The following OSBPL10 variants were observed in gnomAD, a reference collection of about 807,000 sequenced individuals.
The protein encoded by OSBPL10 is oxysterol-binding protein-related protein 10.
Under a neutral mutation model 81.7 loss-of-function variants are expected in OSBPL10, and 49 were observed. The observed-to-expected ratio is 0.60, with a 90% CI of 0.48 to 0.76. The LOEUF (loss-of-function observed/expected upper bound fraction) is 0.76, where lower values mean the gene tolerates loss of function less well. Ranked by LOEUF, OSBPL10 falls within the 30% of genes least tolerant of loss-of-function variation. The probability of loss-of-function intolerance (pLI) is 0.00; values close to 1 mark genes in which losing one functional copy is unlikely to be tolerated. For synonymous variants in OSBPL10, 419 were observed against 383.6 expected (o/e 1.09, Z -1.08); for missense variants, 923 against 987.8 (o/e 0.93, Z 0.88).
At chr3:31,957,537 A>G (rs1698042146) in intron 1 of OSBPL10, among the ~76,000 whole-genome samples, 1 of 152,222 alleles carries the variant, frequency 6.6e-6, no homozygotes, top group Non-Finnish European at 1.5e-5. Context: ...AAATATTTTG[A>G]GCAATGGCAG....
chr3:31,801,336 C>T (rs569446820), intron 4 of OSBPL10, among the ~76,000 whole-genome samples: 58 of 152,228 alleles, frequency 3.8e-4, no homozygotes, highest in African/African-American at 1.2e-3. Flanking sequence ...ACCACACATG[C>T]AGAGGAAGGA....
At chr3:31,855,598 T>C (rs546281316) in intron 3 of OSBPL10, among the ~76,000 whole-genome samples, 96 of 152,316 alleles carry the variant, frequency 6.3e-4, no homozygotes, top group African/African-American at 2.3e-3. Flanking sequence ...TACTATATCC[T>C]AGTGCCTAGA....
intron 2 of OSBPL10, among the ~76,000 whole-genome samples, chr3:31,993,183 T>C (rs1177097525): frequency 5.4e-5 from 8 of 147,640 alleles, no homozygotes; most frequent in African/African-American, 1.7e-4. Context: ...TTTTATTTTA[T>C]TTTATTTTAT....
intron 6 of OSBPL10, among the ~76,000 whole-genome samples, chr3:31,728,149 T>C (rs1024522134): frequency 1.3e-5 from 2 of 152,268 alleles, no homozygotes; most frequent in Non-Finnish European, 2.9e-5. Flanking sequence ...TATGCTGATA[T>C]AGTACTCAGT....
chr3:31,799,910 A>G (rs1301956808), intron 4 of OSBPL10, among the ~76,000 whole-genome samples: 1 of 152,144 alleles, frequency 6.6e-6, no homozygotes, highest in Non-Finnish European at 1.5e-5. Flanking sequence ...TATTTCACCA[A>G]TATTGGCCAG....
At chr3:31,664,270 C>T (rs200765310) in intron 10 of OSBPL10, 38 bp from the exon 11 acceptor site, 42 of 1,597,280 alleles carry the variant, frequency 2.6e-5, no homozygotes, top group African/African-American at 6.7e-5. Context: ...ATCAGCCAGG[C>T]CAGCTGGCTG....
chr3:31,812,723 AAAGAAAGAAAGAAAGAAAG>A (rs1699718200), intron 4 of OSBPL10, among the ~76,000 whole-genome samples: 1,417 of 39,248 alleles, frequency 0.036, 266 homozygotes, highest in Middle Eastern at 0.1. Flanking sequence ...AAAAAAAAAG[AAAGAAAGAAAGAAAGAAAG>A]AAAGAAAGAA....
intron 1 of OSBPL10, among the ~76,000 whole-genome samples, chr3:32,071,296 C>T (rs542332022): frequency 4.1e-4 from 62 of 152,306 alleles, no homozygotes; most frequent in African/African-American, 1.4e-3. Flanking sequence ...TGGATACTTT[C>T]GCCTTTGGAT....
At chr3:31,836,667 T>A (rs1303998534) in intron 3 of OSBPL10, among the ~76,000 whole-genome samples, 1 of 152,056 alleles carries the variant, frequency 6.6e-6, no homozygotes, top group Non-Finnish European at 1.5e-5. Flanking sequence ...GCACTGTCCT[T>A]GGGCATCTGA....
At chr3:31,740,084 C>A (rs1027545527) in intron 5 of OSBPL10, among the ~76,000 whole-genome samples, 1 of 147,794 alleles carries the variant, frequency 6.8e-6, no homozygotes, top group Non-Finnish European at 1.5e-5. Flanking sequence ...TGCTTTGTTG[C>A]ACAGGCTGGA....
At chr3:31,989,607 T>C (rs906726837) in intron 2 of OSBPL10, 1 of 1,614,226 alleles carries the variant, frequency 6.2e-7, no homozygotes, top group South Asian at 1.1e-5. Context: ...GGAAAGTTGG[T>C]AATCAAGTTG....
At chr3:32,014,718 T>C (rs1261062712) in intron 2 of OSBPL10, among the ~76,000 whole-genome samples, 4 of 152,148 alleles carry the variant, frequency 2.6e-5, no homozygotes, top group Non-Finnish European at 4.4e-5. Context: ...GCCCAAAATC[T>C]CCATAAGCTG....
intron 1 of OSBPL10, among the ~76,000 whole-genome samples, chr3:31,964,078 T>C (rs1382948619): frequency 6.6e-6 from 1 of 152,230 alleles, no homozygotes; most frequent in African/African-American, 2.4e-5. Context: ...TGGAGGTGGA[T>C]GAACCTGGGT....
At chr3:31,741,725 C>T (rs1231764494) in intron 5 of OSBPL10, among the ~76,000 whole-genome samples, 1 of 152,194 alleles carries the variant, frequency 6.6e-6, no homozygotes, top group Non-Finnish European at 1.5e-5. Flanking sequence ...GGCTCTGTAT[C>T]CCCACCCAAA....
At chr3:32,044,376 T>A (rs1021134419) in intron 2 of OSBPL10, among the ~76,000 whole-genome samples, 1 of 148,228 alleles carries the variant, frequency 6.7e-6, no homozygotes, top group African/African-American at 2.4e-5. Context: ...AATATATATA[T>A]AATAAATAAT....
chr3:31,953,064 T>C (rs1697914949), intron 1 of OSBPL10, among the ~76,000 whole-genome samples: 1 of 151,486 alleles, frequency 6.6e-6, no homozygotes, highest in Non-Finnish European at 1.5e-5. Context: ...CCTGAGTAGC[T>C]GGGATTACAG....
chr3:31,845,147 A>G (rs1357174184), intron 3 of OSBPL10, among the ~76,000 whole-genome samples: 1 of 152,126 alleles, frequency 6.6e-6, no homozygotes, highest in Non-Finnish European at 1.5e-5. Context: ...TTTAATGAAA[A>G]TAAAAATGAA....
chr3:31,877,080 AT>A (rs1701493939), intron 2 of OSBPL10, among the ~76,000 whole-genome samples: 1 of 151,348 alleles, frequency 6.6e-6, no homozygotes, highest in African/African-American at 2.4e-5. Flanking sequence ...TTTTTTTTGT[AT>A]TTTTTAGTAG....
At chr3:31,984,966 C>T (rs1671017753), upstream of OSBPL10, among the ~76,000 whole-genome samples, 2 of 152,190 alleles carry the variant, frequency 1.3e-5, no homozygotes, top group African/African-American at 4.8e-5. Flanking sequence ...AGGCCAGGCG[C>T]GGTGGCTCAA....
Sources: allele counts gnomAD v4.1 joint callset (sites outside exome capture counted in the v4.1 genomes callset), GRCh38; gene constraint gnomAD v4.1.1; transcripts MANE v1.5; gene names NCBI Gene and HGNC (gene_info 2026-07-23, HGNC 2026-07-21).